The following ENTPD1 variants were observed in gnomAD, a reference collection of about 807,000 sequenced individuals.
ENTPD1 encodes the protein ATP diphosphohydrolase.
ENTPD1 carries 33 observed loss-of-function variants against 57.0 expected under a neutral mutation model. The ratio of observed to expected loss-of-function variants is 0.58; its 90% CI spans 0.44 to 0.77. The LOEUF (loss-of-function observed/expected upper bound fraction) is 0.77. Among genes scored for constraint, ENTPD1 ranks in the 30% least tolerant of loss-of-function variants. The pLI is 0.00. For missense variants in ENTPD1, 501 were observed against 603.4 expected, an observed-to-expected ratio of 0.83 and a Z score of 1.78; for synonymous variants, 202 against 218.8, an observed-to-expected ratio of 0.92 and a Z score of 0.68.
chr10:95,755,926 GGA>G (rs1430836815), upstream of ENTPD1: 1 of 1,490,916 alleles, frequency 6.7e-7, no homozygotes, highest in Non-Finnish European at 8.9e-7. Context: ...AGGGAAGAAG[GGA>G]GAAAGAGAGA....
At chr10:95,845,245 C>T (rs1472953242) in intron 5 of ENTPD1, 112 bp from the exon 6 acceptor site, 1 of 1,494,450 alleles carries the variant, frequency 6.7e-7, no homozygotes, top group Non-Finnish European at 9.3e-7. Context: ...TGAGCTTTGC[C>T]TCACCTTTAT....
chr10:95,707,352 G>A (rs1012430871), upstream of ENTPD1, among the ~76,000 whole-genome samples: 4 of 152,200 alleles, frequency 2.6e-5, no homozygotes, highest in African/African-American at 4.8e-5. Context: ...AGTTTGGGGG[G>A]GCTGCAGTGG....
At chr10:95,723,384 G>A (rs1423157342) in intron 1 of ENTPD1, among the ~76,000 whole-genome samples, 1 of 151,990 alleles carries the variant, frequency 6.6e-6, no homozygotes, top group Non-Finnish European at 1.5e-5. Context: ...AAGGGTGGTG[G>A]GGAATGGGTC....
intron 1 of ENTPD1, among the ~76,000 whole-genome samples, chr10:95,782,572 A>G (rs992082929): frequency 1.8e-4 from 27 of 152,186 alleles, no homozygotes; most frequent in Admixed American, 7.2e-4. Context: ...TGAACCTGGT[A>G]AAAACAACCC....
At chr10:95,764,017 C>T (rs1054163528) in intron 1 of ENTPD1, among the ~76,000 whole-genome samples, 27 of 152,276 alleles carry the variant, frequency 1.8e-4, no homozygotes, top group African/African-American at 5.1e-4. Flanking sequence ...ACATATCATA[C>T]GATTCACCAA....
the ENTPD1 span, among the ~76,000 whole-genome samples, chr10:95,705,519 T>C: frequency 6.6e-6 from 1 of 151,476 alleles, no homozygotes; most frequent in African/African-American, 2.4e-5. Flanking sequence ...TGAGACAGAG[T>C]GTAAGTCTGT....
chr10:95,706,734 A>G, the ENTPD1 span, among the ~76,000 whole-genome samples: 38 of 152,236 alleles, frequency 2.5e-4, 1 homozygote, highest in South Asian at 7.9e-3. Flanking sequence ...AGATTGGTCC[A>G]TGGGTGGTCA....
chr10:95,743,984 A>G (rs955357347), intron 1 of ENTPD1, among the ~76,000 whole-genome samples: 6 of 132,084 alleles, frequency 4.5e-5, no homozygotes, highest in African/African-American at 1.6e-4. Context: ...GAAAATATAG[A>G]TGTATTTTAA....
At chr10:95,770,119 GGTAA>G (rs1465242077) in intron 1 of ENTPD1, among the ~76,000 whole-genome samples, 2 of 150,412 alleles carry the variant, frequency 1.3e-5, no homozygotes, top group East Asian at 4.0e-4. Flanking sequence ...AATGAGACTG[GGTAA>G]GTGAGTGTAA....
intron 1 of ENTPD1, among the ~76,000 whole-genome samples, chr10:95,712,601 C>A (rs1005822722): frequency 1.3e-5 from 2 of 152,092 alleles, no homozygotes; most frequent in African/African-American, 4.8e-5. Context: ...GTAAGGGGCT[C>A]CTGTTGCCTG....
chr10:95,845,028 A>G (rs1302012271), intron 5 of ENTPD1, among the ~76,000 whole-genome samples: 1 of 152,208 alleles, frequency 6.6e-6, no homozygotes, highest in African/African-American at 2.4e-5. Flanking sequence ...TTAGAGCCCC[A>G]TATCGATGCC....
At chr10:95,825,894 G>A (rs2098374053) in intron 2 of ENTPD1, among the ~76,000 whole-genome samples, 1 of 152,130 alleles carries the variant, frequency 6.6e-6, no homozygotes, top group African/African-American at 2.4e-5. Flanking sequence ...TGTGTTTTGA[G>A]AGCACACAAT....
chr10:95,699,860 A>C, the ENTPD1 span, among the ~76,000 whole-genome samples: 1 of 152,230 alleles, frequency 6.6e-6, no homozygotes, highest in Non-Finnish European at 1.5e-5. Context: ...GCAGCAGCCT[A>C]GAATATCCAT....
chr10:95,876,246 A>C lies in ENTPD1; in HGVS notation c.*9863A>C, dbSNP rs1257995533. 1 of 978,030 alleles carries C rather than the reference A, an allele frequency of 1.0e-6. No individual in the cohort carries two copies. The highest frequency in any genetic ancestry group is 1.2e-6 in the Non-Finnish European group (1 of 823,290). The allele number at this position is 978,030 out of a possible 1,614,324, so 60.6% of individuals were successfully genotyped here. ...AAGAAACACATAATGTAGATTGCTA[A>C]TTTTATAATAACACAAGTTGATTTT... On this transcript the variant is annotated 3_prime_UTR_variant, in exon 10 of 10. Coordinates refer to ENST00000371205, the MANE Select transcript of ENTPD1 (RefSeq NM_001776.6).
intron 7 of ENTPD1, among the ~76,000 whole-genome samples, chr10:95,857,319 T>C (rs2098456875): frequency 6.6e-6 from 1 of 152,262 alleles, no homozygotes; most frequent in African/African-American, 2.4e-5. Flanking sequence ...GTACTTACTT[T>C]ATAAAGCAAA....
chr10:95,847,645 G>T lies in ENTPD1; in HGVS notation c.1013G>T (p.Cys338Phe), dbSNP rs752775567. 2 of 1,614,156 alleles carry T rather than the reference G, an allele frequency of 1.2e-6. No homozygotes were observed. The highest frequency in any genetic ancestry group is 1.3e-5 in the African/African-American group (1 of 75,040). Residue 338 changes from cysteine to phenylalanine, a missense_variant, in exon 7 of 10, where the codon TGC (cysteine) becomes TTC (phenylalanine). Physicochemically the swap from Cys to Phe is radical, Grantham distance 205. Transcript: ENST00000371205. ...SILELFNTSYCPYSQCAFNGI... is the reference protein window; with the variant it reads ...SILELFNTSYFPYSQCAFNGI... ...CTGGAGCTCTTCAACACCAGTTACT[G>T]CCCTTACTCCCAGTGTGCCTTCAAT...
At chr10:95,858,259 C>T (rs1009380370) in intron 7 of ENTPD1, among the ~76,000 whole-genome samples, 3 of 151,762 alleles carry the variant, frequency 2.0e-5, no homozygotes, top group African/African-American at 7.3e-5. Flanking sequence ...AGTGGAAGTC[C>T]AGGGAATTCC....
intron 1 of ENTPD1, among the ~76,000 whole-genome samples, chr10:95,792,149 C>T (rs2098207045): frequency 6.6e-6 from 1 of 151,922 alleles, no homozygotes. Flanking sequence ...TGGGAGTGTC[C>T]ATCAGACAAC....
chr10:95,721,878 A>G (rs2097977888), intron 1 of ENTPD1, among the ~76,000 whole-genome samples: 2 of 152,110 alleles, frequency 1.3e-5, no homozygotes, highest in African/African-American at 2.4e-5. Flanking sequence ...CTTGACCACA[A>G]AGAAAAGGGT....
Sources: allele counts gnomAD v4.1 joint callset (sites outside exome capture counted in the v4.1 genomes callset), GRCh38; gene constraint gnomAD v4.1.1; transcripts MANE v1.5; gene names NCBI Gene and HGNC (gene_info 2026-07-23, HGNC 2026-07-21).